GAB2: variants seen among roughly 807,000 people sequenced by gnomAD.
The protein encoded by GAB2 is GRB2 associated binding protein 2.
GAB2 carries 26 observed loss-of-function variants against 65.5 expected under a neutral mutation model. The observed-to-expected ratio is 0.40, with a 90% CI of 0.29 to 0.55. The LOEUF (loss-of-function observed/expected upper bound fraction) is 0.55, where lower values mean the gene tolerates loss of function less well. Among genes scored for constraint, GAB2 ranks in the 20% least tolerant of loss-of-function variants. The probability of loss-of-function intolerance (pLI) is 0.53; values close to 1 mark genes in which losing one functional copy is unlikely to be tolerated. For synonymous variants in GAB2, 321 were observed against 329.6 expected (o/e 0.97, Z 0.28); for missense variants, 884 against 875.8 (o/e 1.01, Z -0.12).
chr11:78,300,162 T>C (rs1257535413), intron 1 of GAB2, among the ~76,000 whole-genome samples: 1 of 152,126 alleles, frequency 6.6e-6, no homozygotes, highest in African/African-American at 2.4e-5. Context: ...GCTGTTACTA[T>C]AGATTAAATT....
chr11:78,276,390 C>T (rs1185252975), intron 2 of GAB2, among the ~76,000 whole-genome samples: 1 of 152,054 alleles, frequency 6.6e-6, no homozygotes, highest in Middle Eastern at 3.2e-3. Context: ...GGATTACAGG[C>T]TAGGAAATAT....
At chr11:78,241,736 A>T (rs781235823) in intron 3 of GAB2, among the ~76,000 whole-genome samples, 1 of 152,222 alleles carries the variant, frequency 6.6e-6, no homozygotes. Flanking sequence ...GAAGAAAGGT[A>T]GTTTGAAATT....
chr11:78,386,437 C>G (rs1373294205), intron 1 of GAB2, among the ~76,000 whole-genome samples: 4 of 152,208 alleles, frequency 2.6e-5, no homozygotes, highest in African/African-American at 7.2e-5. Context: ...ATGAAGGAGG[C>G]AGTCTTGGCC....
intron 1 of GAB2, among the ~76,000 whole-genome samples, chr11:78,345,488 GTC>G (rs1262426292): frequency 6.6e-6 from 1 of 152,204 alleles, no homozygotes; most frequent in African/African-American, 2.4e-5. Flanking sequence ...ACTCTGATCT[GTC>G]TCTCTGTAGC....
chr11:78,289,636 A>G lies in GAB2; in HGVS notation c.76-8735T>C, dbSNP rs1188464349. Among the ~76,000 whole-genome samples, 5 of 152,186 alleles carry G rather than the reference A, an allele frequency of 3.3e-5. No individual in the cohort carries two copies. The South Asian group carries it at 1.0e-3, about 32-fold the overall frequency. ...AAAACTAGAAGATTTTTTTGTAAGC[A>G]CCATAAAAAAAGACATAATACGCTA... On this transcript the variant is annotated intron_variant, in intron 1 of 9. Transcript: ENST00000361507.
chr11:78,226,672 T>G lies in GAB2; in HGVS notation c.1000A>C (p.Lys334Gln). 6.2e-7 allele frequency: 1 copy of G among 1,614,082 alleles called. No homozygotes were observed. The highest frequency in any genetic ancestry group is 8.5e-7 in the Non-Finnish European group (1 of 1,179,992). Residue 334 changes from lysine (K) to glutamine (Q), a missense_variant, in exon 4 of 10, where the codon AAA (lysine) becomes CAA (glutamine). Transcript: ENST00000361507. ...YQIPRTFTLD[K>Q]NHNAMTVATP... ...GCCACTGTCATGGCATTGTGGTTTT[T>G]GTCCAGAGTGAATGTCCTAGGGATC...
chr11:78,216,010 TAA>T lies in GAB2; in HGVS notation c.*3260_*3261del, dbSNP rs1864122292. 1 of 152,602 alleles carries T rather than the reference TAA, an allele frequency of 6.6e-6. No individual in the cohort carries two copies. The highest frequency in any genetic ancestry group is 1.5e-5 in the Non-Finnish European group (1 of 68,038). 9.5% of individuals were successfully genotyped at this position (152,602 alleles called of 1,614,324 possible). ...TGTTAACTTCTACATTGGAAACCAC[TAA>T]AGTCAAGCTAGGAGGGGACTGGGGA... On this transcript the variant is annotated 3_prime_UTR_variant, in exon 10 of 10. Transcript: ENST00000361507.
chr11:78,297,188 A>T (rs968289054), intron 1 of GAB2, among the ~76,000 whole-genome samples: 4 of 152,292 alleles, frequency 2.6e-5, no homozygotes, highest in Non-Finnish European at 5.9e-5. Flanking sequence ...GGTGTACTCA[A>T]ATGATAAAGG....
chr11:78,367,813 TTC>T (rs1190353425), intron 1 of GAB2, among the ~76,000 whole-genome samples: 3 of 142,444 alleles, frequency 2.1e-5, no homozygotes, highest in Non-Finnish European at 3.0e-5. Flanking sequence ...GTGCTTAATT[TTC>T]TTTTTCTTTT....
intron 3 of GAB2, among the ~76,000 whole-genome samples, chr11:78,239,997 G>A (rs1426747286): frequency 6.6e-6 from 1 of 152,018 alleles, no homozygotes; most frequent in Admixed American, 6.5e-5. Context: ...TGAGCTGTGA[G>A]CAGCTGTTAC....
rs757875600 is a variant in GAB2, at chr11:78,226,604, G to A, written c.1068C>T (p.Pro356=). The A allele has an allele frequency of 1.9e-6, 3 of 1,609,022 alleles. No homozygotes were observed. The highest frequency in any genetic ancestry group is 2.2e-5 in the South Asian group (2 of 90,946). The change falls in exon 4 of 10, where the codon CCC becomes CCT. Residue 356 remains proline (P), a synonymous_variant. Transcript: ENST00000361507. ...GAGGTGTTTCTGCCTGACTTGGCTT[G>A]GGGGGGCGGGGTGGGGGAGCTATGG... The part of the protein sequence containing the change: ...DSAIAPPPRP[P]KPSQAETPRW...
intron 2 of GAB2, among the ~76,000 whole-genome samples, chr11:78,276,955 C>T (rs1384220153): frequency 6.6e-6 from 1 of 152,102 alleles, no homozygotes; most frequent in African/African-American, 2.4e-5. Context: ...GTAGCTAGGA[C>T]TACAGTTGCC....
intron 1 of GAB2, among the ~76,000 whole-genome samples, chr11:78,363,298 T>C (rs919368039): frequency 6.6e-6 from 1 of 152,246 alleles, no homozygotes; most frequent in African/African-American, 2.4e-5. Flanking sequence ...TGTGTGCTTA[T>C]GCTTCAATTA....
intron 1 of GAB2, among the ~76,000 whole-genome samples, chr11:78,370,921 G>A (rs945086498): frequency 6.6e-6 from 1 of 152,146 alleles, no homozygotes; most frequent in African/African-American, 2.4e-5. Context: ...CACACCCCAC[G>A]TTTGAACTTG....
intron 1 of GAB2, among the ~76,000 whole-genome samples, chr11:78,303,377 T>G (rs547196192): frequency 6.6e-6 from 1 of 152,210 alleles, no homozygotes; most frequent in South Asian, 2.1e-4. Context: ...TTCAATTTTT[T>G]TACACATGGA....
chr11:78,373,128 G>A (rs552782514), intron 1 of GAB2, among the ~76,000 whole-genome samples: 1 of 151,736 alleles, frequency 6.6e-6, no homozygotes, highest in East Asian at 1.9e-4. Context: ...TGAATAACTT[G>A]TATTTCTCTT....
intron 1 of GAB2, among the ~76,000 whole-genome samples, chr11:78,374,449 G>A (rs1423637086): frequency 2.6e-5 from 4 of 152,020 alleles, no homozygotes; most frequent in African/African-American, 7.2e-5. Context: ...GGGGTTACCC[G>A]GGGGGGAACC....
chr11:78,287,994 G>T (rs1463729030), intron 1 of GAB2, among the ~76,000 whole-genome samples: 4 of 151,742 alleles, frequency 2.6e-5, no homozygotes, highest in African/African-American at 9.7e-5. Flanking sequence ...TCTTGTCAAG[G>T]TGATAAAGCA....
chr11:78,398,343 T>A (rs925142830), intron 1 of GAB2, among the ~76,000 whole-genome samples: 1 of 152,216 alleles, frequency 6.6e-6, no homozygotes. Context: ...CTGCACTGTA[T>A]ACAACAGTGA....
Sources: gnomAD v4.1 joint callset for allele counts (sites outside exome capture counted in the v4.1 genomes callset) on GRCh38, gnomAD v4.1.1 for gene constraint, MANE v1.5 for transcripts, NCBI Gene and HGNC (gene_info 2026-07-23, HGNC 2026-07-21) for gene names.